The following ADCY8 variants were observed in gnomAD, a reference collection of about 807,000 sequenced individuals.
ADCY8 encodes the protein adenylate cyclase type 8.
Under a neutral mutation model 119.7 loss-of-function variants are expected in ADCY8, and 51 were observed. The observed-to-expected ratio is 0.43, with a 90% confidence interval of 0.34 to 0.54. The LOEUF is 0.54. Ranked by LOEUF, ADCY8 falls within the 20% of genes least tolerant of loss-of-function variation. The pLI, the probability that ADCY8 is intolerant of heterozygous loss-of-function variation, is 0.03. For missense variants in ADCY8, 1,383 were observed against 1,598.8 expected, an observed-to-expected ratio of 0.87 and a Z score of 2.30; for synonymous variants, 665 against 651.0, an observed-to-expected ratio of 1.02 and a Z score of -0.33.
chr8:130,913,369 T>A (rs1820037328), intron 5 of ADCY8, among the ~76,000 whole-genome samples: 1 of 152,102 alleles, frequency 6.6e-6, no homozygotes, highest in Non-Finnish European at 1.5e-5. Context: ...CTGGTAACCA[T>A]CATTCTACTC....
intron 2 of ADCY8, among the ~76,000 whole-genome samples, chr8:130,980,247 C>A (rs886560874): frequency 6.6e-6 from 1 of 152,170 alleles, no homozygotes; most frequent in Non-Finnish European, 1.5e-5. Flanking sequence ...AGTGTGATTG[C>A]ATCTTGAATA....
At chr8:130,957,779 G>C (rs1821476355) in intron 2 of ADCY8, among the ~76,000 whole-genome samples, 1 of 152,256 alleles carries the variant, frequency 6.6e-6, no homozygotes, top group Non-Finnish European at 1.5e-5. Flanking sequence ...TGGTTTCAGA[G>C]GGTGCAAGCC....
Position 130,780,455 on chromosome 8 carries a change from A to G in ADCY8, c.3691T>C (p.Leu1231=), listed in dbSNP as rs760742911. Residue 1231 remains leucine, a synonymous_variant, in exon 18 of 18, where the codon TTG becomes CTG. Transcript: ENST00000286355. The part of the protein sequence containing the change: ...IKGHYNRRTL[L]SPSGTEPGAQ... ...CCAGGCTCTGTGCCGCTGGGTGACAACAAAGTCCGCCGGTTGTAATGACCC... is the reference window on the plus strand; with the variant it reads ...CCAGGCTCTGTGCCGCTGGGTGACAGCAAAGTCCGCCGGTTGTAATGACCC... 4 of 1,613,456 alleles carry G rather than the reference A, an allele frequency of 2.5e-6. No individual in the cohort carries two copies. Among genetic ancestry groups the G allele is most frequent in the South Asian group, 1.1e-5 (1 of 91,034 alleles).
intron 1 of ADCY8, among the ~76,000 whole-genome samples, chr8:131,005,288 G>C (rs1464447054): frequency 6.6e-6 from 1 of 152,214 alleles, no homozygotes; most frequent in African/African-American, 2.4e-5. Flanking sequence ...GTATTTGCCT[G>C]ATACACAGTA....
intron 14 of ADCY8, among the ~76,000 whole-genome samples, chr8:130,801,176 C>T (rs551499607): frequency 7.4e-4 from 113 of 152,272 alleles, no homozygotes; most frequent in African/African-American, 2.2e-3. Flanking sequence ...GTTCTGACTG[C>T]CAGTTCATTC....
intron 6 of ADCY8, among the ~76,000 whole-genome samples, chr8:130,907,013 A>G (rs1390788000): frequency 6.6e-6 from 1 of 152,024 alleles, no homozygotes; most frequent in African/African-American, 2.4e-5. Context: ...TTTTACTTTC[A>G]GCGTCTCTCT....
At chr8:130,867,451 G>A (rs1441801669) in intron 9 of ADCY8, among the ~76,000 whole-genome samples, 1 of 152,164 alleles carries the variant, frequency 6.6e-6, no homozygotes, top group Non-Finnish European at 1.5e-5. Flanking sequence ...ACAGGTGTTT[G>A]CATTATTATT....
chr8:130,846,129 G>T (rs1214354732), intron 11 of ADCY8, among the ~76,000 whole-genome samples: 1 of 152,122 alleles, frequency 6.6e-6, no homozygotes, highest in Non-Finnish European at 1.5e-5. Context: ...AGACTACAGG[G>T]AGCCTTTTCT....
intron 9 of ADCY8, among the ~76,000 whole-genome samples, chr8:130,858,116 T>C (rs1817807551): frequency 6.6e-6 from 1 of 152,220 alleles, no homozygotes; most frequent in Non-Finnish European, 1.5e-5. Context: ...GACAAGATGT[T>C]CTAGGCTCAT....
chr8:130,855,232 C>G (rs1390690850), intron 9 of ADCY8, among the ~76,000 whole-genome samples: 3 of 151,386 alleles, frequency 2.0e-5, no homozygotes, highest in Non-Finnish European at 2.9e-5. Flanking sequence ...AGAAGAAATG[C>G]GAGTGAAAAG....
At chr8:130,908,799 T>C (rs958015815) in intron 6 of ADCY8, among the ~76,000 whole-genome samples, 2 of 152,122 alleles carry the variant, frequency 1.3e-5, no homozygotes, top group Admixed American at 6.5e-5. Flanking sequence ...CTGAAGATAA[T>C]AGAGTTTAGC....
chr8:130,972,544 A>T (rs765628716), intron 2 of ADCY8, among the ~76,000 whole-genome samples: 1 of 152,206 alleles, frequency 6.6e-6, no homozygotes, highest in Non-Finnish European at 1.5e-5. Context: ...AAGACCCAAA[A>T]TATCTATTTT....
rs1345546119 is a variant in ADCY8 at position 130,800,528 on chromosome 8, G to A, written c.2958C>T (p.Ala986=). 3 of 1,614,138 alleles carry A rather than the reference G, an allele frequency of 1.9e-6. No individual in the cohort carries two copies. Among genetic ancestry groups the A allele is most frequent in the Admixed American group, 1.7e-5 (1 of 60,024 alleles). The change falls in exon 15 of 18, where the codon GCC becomes GCT. Residue 986 remains alanine (A), a synonymous_variant. Transcript: ENST00000286355. ...AAAAGTCCGCAAATCCTGGGATGGAGGCAAACATCACCCCAACAGCATCAT... is the reference window on the plus strand; with the variant it reads ...AAAAGTCCGCAAATCCTGGGATGGAAGCAAACATCACCCCAACAGCATCAT... ...QSYDAVGVMF[A]SIPGFADFYS...
intron 7 of ADCY8, among the ~76,000 whole-genome samples, chr8:130,890,205 G>A (rs188181979): frequency 1.7e-4 from 24 of 138,900 alleles, no homozygotes; most frequent in African/African-American, 5.9e-4. Flanking sequence ...CTGTTGTGGG[G>A]TCAGGGGAGT....
intron 7 of ADCY8, among the ~76,000 whole-genome samples, chr8:130,903,486 A>G (rs1819671924): frequency 6.9e-6 from 1 of 145,392 alleles, no homozygotes; most frequent in Admixed American, 6.8e-5. Context: ...TTTTGGTAAA[A>G]TTACAATTCA....
chr8:130,868,112 C>T (rs539762469), intron 8 of ADCY8, among the ~76,000 whole-genome samples, 166 bp from the exon 9 acceptor site: 4 of 152,284 alleles, frequency 2.6e-5, no homozygotes, highest in African/African-American at 9.6e-5. Context: ...CTCCTGCCAA[C>T]TTTCCAGTGA....
chr8:130,850,010 A>G (rs762258712), intron 9 of ADCY8, among the ~76,000 whole-genome samples: 1 of 152,204 alleles, frequency 6.6e-6, no homozygotes, highest in African/African-American at 2.4e-5. Flanking sequence ...CTTTGCAAAA[A>G]AACAGAATAT....
chr8:130,843,791 C>T (rs1337140461), intron 11 of ADCY8, among the ~76,000 whole-genome samples: 2 of 152,122 alleles, frequency 1.3e-5, no homozygotes, highest in East Asian at 3.9e-4. Flanking sequence ...TATCTTCACT[C>T]CTTACGTCAA....
intron 7 of ADCY8, chr8:130,892,438 T>A (rs890789793): frequency 6.6e-6 from 1 of 152,142 alleles, no homozygotes; most frequent in Non-Finnish European, 1.5e-5. Flanking sequence ...AATAAAACAA[T>A]GACAAGGCAG....
Sources: gnomAD v4.1 joint callset for allele counts (sites outside exome capture counted in the v4.1 genomes callset) on GRCh38, gnomAD v4.1.1 for gene constraint, MANE v1.5 for transcripts, NCBI Gene and HGNC (gene_info 2026-07-23, HGNC 2026-07-21) for gene names.